DNAJC11: variants seen among roughly 807,000 people sequenced by gnomAD.
The protein encoded by DNAJC11 is dnaJ homolog subfamily C member 11.
In DNAJC11, 15 loss-of-function variants were observed where a neutral mutation model predicts 78.6. That is an observed-to-expected ratio of 0.19 (90% confidence interval 0.13 to 0.29). The LOEUF is 0.29. Among genes scored for constraint, DNAJC11 ranks in the 10% least tolerant of loss-of-function variants. DNAJC11 has a pLI of 1.00. For missense variants in DNAJC11, 547 were observed against 709.6 expected (o/e 0.77, Z 2.60); for synonymous variants, 292 against 272.1 (o/e 1.07, Z -0.72).
intron 4 of DNAJC11, among the ~76,000 whole-genome samples, chr1:6,664,486 C>T (rs991674567): frequency 6.6e-6 from 1 of 152,142 alleles, no homozygotes; most frequent in Non-Finnish European, 1.5e-5. Context: ...AATCCACCTG[C>T]CTCGGCCTCC....
In DNAJC11 at chr1:6,664,870, T is replaced by G. The variant is rs2148739430; in HGVS notation, c.378+2839A>C. Among the ~76,000 whole-genome samples the G allele has an allele frequency of 1.3e-5, 2 of 152,270 alleles. 1 individual carries two copies. Among genetic ancestry groups the G allele is most frequent in the Middle Eastern group, 6.8e-3 (2 of 294 alleles). On this transcript the variant is annotated intron_variant, in intron 4 of 15. Coordinates refer to ENST00000377577, the MANE Select transcript of DNAJC11 (RefSeq NM_018198.4). The stretch of plus-strand genomic sequence containing the variant: ...CCTTCTAACCTGGGCTTTTCCTCAC[T>G]AGGCCTTTTTGCTTGGTAGATACAT...
At chr1:6,659,789 G>A (rs1642181011) in intron 4 of DNAJC11, among the ~76,000 whole-genome samples, 1 of 151,206 alleles carries the variant, frequency 6.6e-6, no homozygotes, top group Non-Finnish European at 1.5e-5. Context: ...CGGGCACGGT[G>A]GCTCACGCCT....
chr1:6,663,701 T>G (rs1325525353), intron 4 of DNAJC11, among the ~76,000 whole-genome samples: 1 of 152,166 alleles, frequency 6.6e-6, no homozygotes, highest in East Asian at 1.9e-4. Context: ...CAGTTCAATG[T>G]GGAGGGCCCT....
chr1:6,656,007 CAGG>C (rs1440126505), intron 4 of DNAJC11, among the ~76,000 whole-genome samples: 1 of 148,878 alleles, frequency 6.7e-6, no homozygotes, highest in African/African-American at 2.5e-5. Context: ...GAGGCTGAGG[CAGG>C]AGAATTGCTT....
intron 14 of DNAJC11, among the ~76,000 whole-genome samples, chr1:6,636,468 T>A (rs1170326694): frequency 3.9e-5 from 6 of 152,108 alleles, no homozygotes; most frequent in Non-Finnish European, 8.8e-5. Context: ...CCAGATGACT[T>A]CTAGGGTGCC....
intron 3 of DNAJC11, among the ~76,000 whole-genome samples, chr1:6,673,073 A>G (rs917046639): frequency 1.3e-5 from 2 of 151,780 alleles, no homozygotes; most frequent in Non-Finnish European, 2.9e-5. Flanking sequence ...GCGGGCGCCC[A>G]TAATTCCAGC....
At chr1:6,694,017 G>C (rs1368802342) in intron 1 of DNAJC11, among the ~76,000 whole-genome samples, 1 of 151,704 alleles carries the variant, frequency 6.6e-6, no homozygotes, top group Non-Finnish European at 1.5e-5. Context: ...TGTATTTTTA[G>C]TAGAGATGGG....
At chr1:6,687,130 A>C (rs574688410) in intron 1 of DNAJC11, among the ~76,000 whole-genome samples, 1 of 152,370 alleles carries the variant, frequency 6.6e-6, no homozygotes, top group African/African-American at 2.4e-5. Flanking sequence ...CCAAGACAGC[A>C]TGGGTGCTTT....
chr1:6,686,719 C>T (rs1000457275), intron 1 of DNAJC11, among the ~76,000 whole-genome samples: 31 of 152,212 alleles, frequency 2.0e-4, no homozygotes, highest in African/African-American at 6.5e-4. Flanking sequence ...ATTGGGTGAA[C>T]GGTACTTATA....
chr1:6,696,918 A>G (rs955928596), intron 1 of DNAJC11, among the ~76,000 whole-genome samples: 1 of 152,264 alleles, frequency 6.6e-6, no homozygotes, highest in African/African-American at 2.4e-5. Context: ...AGACAATGAT[A>G]AAGTTAGAAC....
At position 6,653,116 on chromosome 1, in the gene DNAJC11, C is replaced by T. The variant is rs1642080788; in HGVS notation, c.508-165G>A. On this transcript the variant is annotated intron_variant, in intron 5 of 15. Coordinates refer to ENST00000377577, the MANE Select transcript of DNAJC11 (RefSeq NM_018198.4). This position sits in a 1 kb window ranked among gnomAD's most constrained non-coding sequence, Gnocchi z 4.5. ...TGCCGCAACAGCTTCACTTTTCTTC[C>T]GCTTTGTTATTTGGTCTGCATGTGA... Among the ~76,000 whole-genome samples the T allele has an allele frequency of 6.6e-6, 1 of 152,182 alleles. No individual in the cohort carries two copies.
chr1:6,699,755 TA>T (rs566482836), intron 1 of DNAJC11, among the ~76,000 whole-genome samples: 4,737 of 149,212 alleles, frequency 0.032, 228 homozygotes, highest in African/African-American at 0.1. Context: ...AAGTATAATT[TA>T]AAAAAAAAAG....
chr1:6,634,193 G>A lies in DNAJC11; in HGVS notation c.*1482C>T. ...TCTGCTTTCAGGAAAGGTTTATTGT[G>A]GTGAGTGCCTTCTGTACAGTCGACT... On this transcript the variant is annotated 3_prime_UTR_variant, in exon 16 of 16. Coordinates refer to ENST00000377577, the MANE Select transcript of DNAJC11 (RefSeq NM_018198.4). 1 of 1,120,558 alleles carries A rather than the reference G, an allele frequency of 8.9e-7. No homozygotes were observed. Among genetic ancestry groups the A allele is most frequent in the Non-Finnish European group, 1.3e-6 (1 of 758,952 alleles). 69.4% of individuals were successfully genotyped at this position (1,120,558 alleles called of 1,614,324 possible). A position where few individuals can be genotyped will look rare whatever the true frequency, so the allele number is the denominator to read the frequency against.
chr1:6,640,621 C>T (rs1641860815), intron 10 of DNAJC11, among the ~76,000 whole-genome samples: 1 of 152,008 alleles, frequency 6.6e-6, no homozygotes, highest in South Asian at 2.1e-4. Flanking sequence ...CACCTGAGGT[C>T]AGGAATTTGA....
intron 1 of DNAJC11, among the ~76,000 whole-genome samples, chr1:6,701,078 C>T (rs1642918147): frequency 6.6e-6 from 1 of 152,158 alleles, no homozygotes; most frequent in African/African-American, 2.4e-5. Context: ...GTTAGGGCAC[C>T]ACTTTTCTGG....
intron 1 of DNAJC11, among the ~76,000 whole-genome samples, chr1:6,685,499 T>TAGAG (rs1642641586): frequency 6.6e-6 from 1 of 152,232 alleles, no homozygotes; most frequent in Admixed American, 6.5e-5. Flanking sequence ...TTTTGCTGAC[T>TAGAG]AGAGGTCGCA....
Position 6,697,566 on chromosome 1 carries a change from TGCTAACCGCTTGCTTGCCCGAC to T in DNAJC11, c.72+4141_72+4162del, listed in dbSNP as rs368369267. Among the ~76,000 whole-genome samples the T allele has an allele frequency of 5.7e-3, 858 of 151,594 alleles. 10 individuals carry two copies. The highest frequency in any genetic ancestry group is 0.02 in the African/African-American group (821 of 41,000). On this transcript the variant is annotated intron_variant, in intron 1 of 15. Transcript: ENST00000377577. ...CAGGCGGTGATGCTTGCTTGCCCGA[TGCTAACCGCTTGCTTGCCCGAC>T]GCTAACCGCTTGCTTGCCCACCACT... is the stretch of plus-strand genomic sequence containing the variant.
intron 7 of DNAJC11, among the ~76,000 whole-genome samples, chr1:6,650,407 A>T (rs1047889243): frequency 3.0e-4 from 46 of 152,292 alleles, no homozygotes; most frequent in Non-Finnish European, 4.6e-4. Context: ...CCCTAAAAAA[A>T]ACTAAACAAT....
intron 4 of DNAJC11, among the ~76,000 whole-genome samples, chr1:6,663,355 C>G (rs1048616701): frequency 6.6e-6 from 1 of 152,052 alleles, no homozygotes; most frequent in African/African-American, 2.4e-5. Context: ...AACAAGATCA[C>G]GAAGGAGGCA....
Sources: allele counts gnomAD v4.1 joint callset (sites outside exome capture counted in the v4.1 genomes callset), GRCh38; gene constraint gnomAD v4.1.1; non-coding constraint Gnocchi (gnomAD v3.1); transcripts MANE v1.5; gene names NCBI Gene and HGNC (gene_info 2026-07-23, HGNC 2026-07-21).